Variants in FRMD3 observed in about 807,000 individuals in gnomAD.
FRMD3 encodes the protein FERM domain containing 3.
FRMD3 carries 33 observed loss-of-function variants against 70.2 expected under a neutral mutation model. The ratio of observed to expected loss-of-function variants is 0.47; its 90% CI spans 0.36 to 0.63. The LOEUF is 0.63. FRMD3 is among the 20% of genes least tolerant of loss of function. The probability of loss-of-function intolerance (pLI) is 0.00; values close to 1 mark genes in which losing one functional copy is unlikely to be tolerated. For missense variants in FRMD3, 632 were observed against 711.4 expected (o/e 0.89, Z 1.27); for synonymous variants, 279 against 255.9 (o/e 1.09, Z -0.86).
downstream of FRMD3, among the ~76,000 whole-genome samples, chr9:83,244,248 G>A (rs75099214): frequency 0.071 from 10,838 of 152,202 alleles, 476 homozygotes; most frequent in East Asian, 0.17. Context: ...GCGTGGGAAG[G>A]CACCCTTTTC....
the FRMD3 span, among the ~76,000 whole-genome samples, chr9:83,558,260 A>AAGTG: frequency 2.1e-5 from 2 of 94,736 alleles, no homozygotes; most frequent in South Asian, 8.4e-4. Context: ...AAACGCATGC[A>AAGTG]CGTGTGTGTG....
intron 1 of FRMD3, among the ~76,000 whole-genome samples, chr9:83,396,375 T>C (rs1825811940): frequency 6.6e-6 from 1 of 152,248 alleles, no homozygotes; most frequent in Non-Finnish European, 1.5e-5. Context: ...TTAGCAACCA[T>C]ACATCCCTTT....
At chr9:83,518,780 G>C (rs905619007) in intron 1 of FRMD3, among the ~76,000 whole-genome samples, 9 of 152,094 alleles carry the variant, frequency 5.9e-5, no homozygotes, top group Non-Finnish European at 1.5e-5. Context: ...CATGGTACTG[G>C]TACCAAAACA....
chr9:83,568,943 G>GATAC, the FRMD3 span, among the ~76,000 whole-genome samples: 168 of 124,706 alleles, frequency 1.3e-3, no homozygotes, highest in African/African-American at 3.7e-3. Flanking sequence ...TAGATAGATA[G>GATAC]ATAGATAGAT....
At position 83,407,837 on chromosome 9, in the gene FRMD3, G is replaced by GTCTCTCTCTCTCTC. The variant is rs761983764; in HGVS notation, c.148-18143_148-18130dup. Among the ~76,000 whole-genome samples, 245 of 103,612 alleles carry GTCTCTCTCTCTCTC rather than the reference G, an allele frequency of 2.4e-3. 7 individuals carry two copies. Among genetic ancestry groups the GTCTCTCTCTCTCTC allele is most frequent in the East Asian group, 7.7e-3 (22 of 2,860 alleles). The allele number at this position is 103,612 out of a possible 152,430, so 68.0% of individuals were successfully genotyped here. On this transcript the variant is annotated intron_variant, in intron 1 of 13. Transcript: ENST00000304195. ...GCCAGCAGAGGAGGGGGGTTGTTGA[G>GTCTCTCTCTCTCTC]TCTCTCTCTCTCTCTCTCTCTCTCT...
intron 1 of FRMD3, among the ~76,000 whole-genome samples, chr9:83,407,356 C>G (rs1347462988): frequency 6.6e-6 from 1 of 152,164 alleles, no homozygotes; most frequent in South Asian, 2.1e-4. Context: ...AAATGGCCAA[C>G]CCCAACAAGG....
intron 1 of FRMD3, among the ~76,000 whole-genome samples, chr9:83,515,726 C>T (rs894837720): frequency 2.6e-5 from 4 of 152,120 alleles, no homozygotes. Context: ...AGAGAAAAGT[C>T]GGGTTACCCA....
At chr9:83,475,097 C>T (rs1001814503) in intron 1 of FRMD3, among the ~76,000 whole-genome samples, 6 of 151,980 alleles carry the variant, frequency 3.9e-5, no homozygotes, top group African/African-American at 1.2e-4. Context: ...ATTTACAGTG[C>T]CCAACATTCA....
chr9:83,544,619 A>T, the FRMD3 span, among the ~76,000 whole-genome samples: 1 of 152,198 alleles, frequency 6.6e-6, no homozygotes, highest in Admixed American at 6.5e-5. Flanking sequence ...AACCTAATAC[A>T]AATTTGGCTG....
intron 1 of FRMD3, among the ~76,000 whole-genome samples, chr9:83,426,201 G>C (rs1826805875): frequency 6.6e-6 from 1 of 152,172 alleles, no homozygotes; most frequent in South Asian, 2.1e-4. Context: ...ATAGAAAGTG[G>C]AACCAGCCCT....
the FRMD3 span, among the ~76,000 whole-genome samples, chr9:83,578,057 A>T: frequency 5.3e-5 from 8 of 151,974 alleles, no homozygotes; most frequent in African/African-American, 1.9e-4. Context: ...TCATATGCTA[A>T]CAAATTGGAT....
At position 83,421,958 on chromosome 9, in the gene FRMD3, C is replaced by A. The variant is rs375094836; in HGVS notation, c.148-32250G>T. ...TTTAGGGGCCAGCCAGGTGCAGTGGCTCACGCCTGTAATCCCAGCACTTTG... is the reference window on the plus strand; with the variant it reads ...TTTAGGGGCCAGCCAGGTGCAGTGGATCACGCCTGTAATCCCAGCACTTTG... On this transcript the variant is annotated intron_variant, in intron 1 of 13. Coordinates refer to ENST00000304195, the MANE Select transcript of FRMD3 (RefSeq NM_174938.6). Among the ~76,000 whole-genome samples the A allele has an allele frequency of 3.5e-3, 529 of 152,336 alleles. 2 individuals carry two copies. The highest frequency in any genetic ancestry group is 0.012 in the African/African-American group (491 of 41,566).
At chr9:83,526,340 T>G (rs1198895174) in intron 1 of FRMD3, among the ~76,000 whole-genome samples, 1 of 152,240 alleles carries the variant, frequency 6.6e-6, no homozygotes. Flanking sequence ...CTGTCTCTCC[T>G]GGAATGGCAT....
chr9:83,430,114 A>T (rs1213823786), intron 1 of FRMD3, among the ~76,000 whole-genome samples: 1 of 152,166 alleles, frequency 6.6e-6, no homozygotes, highest in African/African-American at 2.4e-5. Flanking sequence ...CTTTCTGATC[A>T]TACCTTATCC....
chr9:83,248,658 G>A (rs571462434), intron 13 of FRMD3, 142 bp from the exon 14 acceptor site: 16 of 919,610 alleles, frequency 1.7e-5, no homozygotes, highest in Non-Finnish European at 2.5e-5. Context: ...TTGTAACAAA[G>A]TCGTATTATA....
In FRMD3 at chr9:83,500,500, G is replaced by GCACACACACACACACA. The variant is rs377538475; in HGVS notation, c.147+37584_147+37585insTGTGTGTGTGTGTGTG. On this transcript the variant is annotated intron_variant, in intron 1 of 13. Transcript: ENST00000304195. ...TGCATAGAGTGCTTGGCGTGTATGC[G>GCACACACACACACACA]CGCACACACACACACACACACACAC... Among the ~76,000 whole-genome samples the GCACACACACACACACA allele has an allele frequency of 1.1e-3, 155 of 136,712 alleles. 3 individuals carry two copies. The highest frequency in any genetic ancestry group is 2.1e-3 in the Non-Finnish European group (137 of 64,332). The allele number at this position is 136,712 out of a possible 152,430, so 89.7% of individuals were successfully genotyped here. A position where few individuals can be genotyped will look rare whatever the true frequency, so the allele number is the denominator to read the frequency against.
chr9:83,300,842 G>C (rs1834894230), intron 10 of FRMD3, among the ~76,000 whole-genome samples: 1 of 152,180 alleles, frequency 6.6e-6, no homozygotes, highest in Non-Finnish European at 1.5e-5. Context: ...AACTTGGACA[G>C]AGAGCCAGAA....
At chr9:83,456,707 C>T (rs1385214216) in intron 1 of FRMD3, among the ~76,000 whole-genome samples, 1 of 152,124 alleles carries the variant, frequency 6.6e-6, no homozygotes, top group African/African-American at 2.4e-5. Flanking sequence ...AGGCCGGGCA[C>T]AGTGGCTCAC....
At chr9:83,372,595 A>C (rs1825010890) in intron 3 of FRMD3, among the ~76,000 whole-genome samples, 1 of 152,036 alleles carries the variant, frequency 6.6e-6, no homozygotes, top group African/African-American at 2.4e-5. Context: ...CCTCATAATC[A>C]AAAGGAACCA....
Sources: gnomAD v4.1 joint callset for allele counts (sites outside exome capture counted in the v4.1 genomes callset) on GRCh38, gnomAD v4.1.1 for gene constraint, MANE v1.5 for transcripts, NCBI Gene and HGNC (gene_info 2026-07-23, HGNC 2026-07-21) for gene names.